REXO1: variants seen among roughly 807,000 people sequenced by gnomAD.
REXO1 encodes the protein RNA exonuclease 1 homolog.
Under a neutral mutation model 102.6 loss-of-function variants are expected in REXO1, and 42 were observed. The observed-to-expected ratio is 0.41, with a 90% CI of 0.32 to 0.53. The LOEUF is 0.53. REXO1 is among the 20% of genes least tolerant of loss of function. The probability of loss-of-function intolerance (pLI) is 0.27; values close to 1 mark genes in which losing one functional copy is unlikely to be tolerated. For missense variants in REXO1, 1,819 were observed against 1,732.5 expected (o/e 1.05, Z -0.89); for synonymous variants, 908 against 779.1 (o/e 1.17, Z -2.76).
chr19:1,848,174 C>A, intron 1 of REXO1, 28 bp downstream of exon 1: 1 of 1,159,518 alleles, frequency 8.6e-7, no homozygotes, highest in South Asian at 4.3e-5. Flanking sequence ...GGAGCCGAGC[C>A]CAAGGCAAGC....
intron 3 of REXO1, chr19:1,824,043 G>A (rs2069632207): frequency 2.6e-6 from 1 of 382,614 alleles, no homozygotes; most frequent in African/African-American, 2.1e-5. Context: ...AGGCACGGGT[G>A]GGCGGGACTA....
At chr19:1,816,892 C>T in intron 12 of REXO1, 79 bp from the exon 13 acceptor site, 1 of 1,086,394 alleles carries the variant, frequency 9.2e-7, no homozygotes, top group Non-Finnish European at 1.4e-6. Context: ...TTTGAGTCTC[C>T]AGAGCCCCTC....
chr19:1,816,720 C>G lies in REXO1; in HGVS notation c.3295G>C (p.Glu1099Gln), dbSNP rs748092013. The change falls in exon 13 of 16, where the codon GAG becomes CAG. Residue 1099 changes from glutamate to glutamine, a missense_variant. By Grantham distance (29) the Glu-to-Gln change is conservative (BLOSUM62 2). Transcript: ENST00000170168. The stretch of plus-strand genomic sequence containing the variant: ...CACCTGGTGTTGTAGTCCACGATCT[C>G]GTTGTCAGGCTTCACGAAGGTGTCA... The part of the protein sequence containing the change: ...VYDTFVKPDN[E>Q]IVDYNTRFSG... 2.5e-6 allele frequency: 4 copies of G among 1,612,772 alleles called. No homozygotes were observed. Among genetic ancestry groups the G allele is most frequent in the South Asian group, 1.1e-5 (1 of 91,054 alleles).
Position 1,826,048 on chromosome 19 carries a change from C to T in REXO1, c.1912-105G>A. ...GCAAGTGGGGAATGGAACAGTCCAG[C>T]CCCCAGGCACAGCAGCTGAGGGCTC... On this transcript the variant is annotated intron_variant, in intron 2 of 15. Coordinates refer to ENST00000170168, the MANE Select transcript of REXO1 (RefSeq NM_020695.4). This position sits in a 1 kb window ranked among gnomAD's most constrained non-coding sequence, Gnocchi z 4.3. The T allele has an allele frequency of 1.3e-6, 1 of 768,796 alleles. No individual in the cohort carries two copies. The highest frequency in any genetic ancestry group is 2.3e-6 in the Non-Finnish European group (1 of 444,032). The allele number at this position is 768,796 out of a possible 1,614,324, so 47.6% of individuals were successfully genotyped here.
chr19:1,830,080 A>G (rs2069862686), intron 1 of REXO1, among the ~76,000 whole-genome samples: 1 of 152,226 alleles, frequency 6.6e-6, no homozygotes, highest in African/African-American at 2.4e-5. Context: ...AGTCAGAACC[A>G]CAGAAGCCTC....
At position 1,828,605 on chromosome 19, in the gene REXO1, C is replaced by T; in HGVS notation, c.184G>A (p.Glu62Lys). ...CTCTGCGCGGGGGGCTTGGGCAGCT[C>T]AGGGTTGTAGGGGTCGTAACCCAGC... ...AGLGYDPYNP[E>K]LPKPPAQREN... The change falls in exon 2 of 16, where the codon GAG becomes AAG. Residue 62 changes from glutamate (E) to lysine (K), a missense_variant. By Grantham distance (56) the Glu-to-Lys change is moderately conservative. Transcript: ENST00000170168. 2 of 1,601,982 alleles carry T rather than the reference C, an allele frequency of 1.2e-6. No homozygotes were observed. Among genetic ancestry groups the T allele is most frequent in the Non-Finnish European group, 1.7e-6 (2 of 1,179,638 alleles).
rs1316266524 is a variant in REXO1, at chr19:1,825,317, A to C, written c.2016+522T>G. On this transcript the variant is annotated intron_variant, in intron 3 of 15. Transcript: ENST00000170168. ...TCCGTCTCAAAAAAAAAAAAAAAAAAAAAAACAACCAAAAAACAAACAAAC... is the reference window on the plus strand; with the variant it reads ...TCCGTCTCAAAAAAAAAAAAAAAAACAAAAACAACCAAAAAACAAACAAAC... 9.8e-5 allele frequency among the ~76,000 whole-genome samples: 14 copies of C among 143,240 alleles called. No homozygotes were observed. The South Asian group carries it at 3.1e-3, about 31-fold the overall frequency. The allele number at this position is 143,240 out of a possible 152,430, so 94.0% of individuals were successfully genotyped here. A position where few individuals can be genotyped will look rare whatever the true frequency, so the allele number is the denominator to read the frequency against.
Position 1,821,474 on chromosome 19 carries a change from CGTGGTCTTGGGG to C in REXO1, c.2394+33_2394+44del, listed in dbSNP as rs1185702874. ...GGTCCCATGTGGCCGGGCCTCAGGG[CGTGGTCTTGGGG>C]GTGGTGGTCCTGGCCGAGATGGGAG... On this transcript the variant is annotated intron_variant, in intron 5 of 15. Coordinates refer to ENST00000170168, the MANE Select transcript of REXO1 (RefSeq NM_020695.4). 3 of 1,609,638 alleles carry C rather than the reference CGTGGTCTTGGGG, an allele frequency of 1.9e-6. No individual in the cohort carries two copies. The African/African-American group carries it at 4.0e-5, about 22-fold the overall frequency.
At chr19:1,836,516 C>T (rs1053698800) in intron 1 of REXO1, among the ~76,000 whole-genome samples, 3 of 151,932 alleles carry the variant, frequency 2.0e-5, no homozygotes, top group Admixed American at 6.6e-5. Flanking sequence ...GAGGCCGAGA[C>T]GGGTGGATCA....
At chr19:1,843,468 A>G (rs373719254) in intron 1 of REXO1, among the ~76,000 whole-genome samples, 34 of 152,278 alleles carry the variant, frequency 2.2e-4, no homozygotes, top group Non-Finnish European at 4.7e-4. Flanking sequence ...TCAACATCCT[A>G]CAACGCAAAG....
In REXO1 at chr19:1,828,556, C is replaced by T. The variant is rs1252438845; in HGVS notation, c.233G>A (p.Gly78Glu). 4 of 1,604,184 alleles carry T rather than the reference C, an allele frequency of 2.5e-6. No homozygotes were observed. The South Asian group carries it at 4.4e-5, about 18-fold the overall frequency. ...CAGCACATCCGGGCGCGGCTCCTCC[C>T]CCAGGCCCAGGGTGCCATTCTCCCT... ...AQRENGTLGL[G>E]EEPRPDVLEL... is the part of the protein sequence containing the mutation. The change falls in exon 2 of 16, where the codon GGG (glycine) becomes GAG (glutamate). Residue 78 changes from glycine (G) to glutamate (E), a missense_variant. Physicochemically the swap from Gly to Glu is moderately conservative, Grantham distance 98 (BLOSUM62 -2). Coordinates refer to ENST00000170168, the MANE Select transcript of REXO1 (RefSeq NM_020695.4).
Position 1,825,913 on chromosome 19 carries a change from C to G in REXO1, c.1942G>C (p.Gly648Arg). The change falls in exon 3 of 16, where the codon GGG becomes CGG. Residue 648 changes from glycine to arginine, a missense_variant. Transcript: ENST00000170168. ...PPKEEKSEEK[G>R]LSGLTTLFPG... ...AACAGAGTGGTCAGACCCGAAAGCC[C>G]CTTCTCCTCACTCTTCTCTTCCTTG... The G allele has an allele frequency of 6.2e-7, 1 of 1,605,674 alleles. No homozygotes were observed.
chr19:1,846,021 G>A (rs190157816), intron 1 of REXO1, among the ~76,000 whole-genome samples: 4 of 152,238 alleles, frequency 2.6e-5, no homozygotes, highest in African/African-American at 7.2e-5. Flanking sequence ...CCAGCACAGA[G>A]CATGGCCCCA....
rs146760890 is a variant in REXO1 at position 1,817,414 on chromosome 19, G to A, written c.3091-85C>T. 262 of 1,565,342 alleles carry A rather than the reference G, an allele frequency of 1.7e-4. 1 individual carries two copies. The East Asian group carries it at 4.3e-3, about 26-fold the overall frequency. On this transcript the variant is annotated intron_variant, in intron 11 of 15. Transcript: ENST00000170168. ...GCAGCAGCACATCTCTGAGCCCTTC[G>A]GGACCATCCTATCCATCCATCACGC... is the stretch of plus-strand genomic sequence containing the variant.
chr19:1,834,183 C>A (rs2069977557), intron 1 of REXO1, among the ~76,000 whole-genome samples: 1 of 152,178 alleles, frequency 6.6e-6, no homozygotes, highest in Non-Finnish European at 1.5e-5. Context: ...AGGCAATACA[C>A]ACACCAGCCA....
chr19:1,835,545 T>C (rs1387255326), intron 1 of REXO1, among the ~76,000 whole-genome samples: 1 of 152,050 alleles, frequency 6.6e-6, no homozygotes, highest in Non-Finnish European at 1.5e-5. Flanking sequence ...TATACATGCA[T>C]ACACACATAC....
intron 1 of REXO1, among the ~76,000 whole-genome samples, chr19:1,831,565 G>A (rs1023144112): frequency 6.6e-6 from 1 of 151,992 alleles, no homozygotes; most frequent in East Asian, 1.9e-4. Context: ...GGTTTCGGCC[G>A]GTTGTGGTGG....
intron 1 of REXO1, among the ~76,000 whole-genome samples, chr19:1,837,910 C>T (rs1317482022): frequency 6.6e-6 from 1 of 152,226 alleles, no homozygotes; most frequent in Non-Finnish European, 1.5e-5. Flanking sequence ...ATGGGGCGGC[C>T]GTCCCCACAT....
rs1253392820 is a variant in REXO1, at chr19:1,818,521, C to T, written c.2977G>A (p.Glu993Lys). ...SSSGRCIRDE[E>K]CYYHWGRLRR... ...AGCCGTCCCCAGTGGTAATAACACTCCTCGTCCCGGATGCAGCGGCCTGAA... is the reference window on the plus strand; with the variant it reads ...AGCCGTCCCCAGTGGTAATAACACTTCTCGTCCCGGATGCAGCGGCCTGAA... The change falls in exon 10 of 16, where the codon GAG (glutamate) becomes AAG (lysine). Residue 993 changes from glutamate (E) to lysine (K), a missense_variant. By Grantham distance (56) the Glu-to-Lys change is moderately conservative. Transcript: ENST00000170168. The T allele has an allele frequency of 6.2e-7, 1 of 1,611,614 alleles. No homozygotes were observed. Among genetic ancestry groups the T allele is most frequent in the South Asian group, 1.1e-5 (1 of 90,808 alleles).
Sources: gnomAD v4.1 joint callset for allele counts (sites outside exome capture counted in the v4.1 genomes callset) on GRCh38, gnomAD v4.1.1 for gene constraint, Gnocchi (gnomAD v3.1) non-coding constraint, MANE v1.5 for transcripts, NCBI Gene and HGNC (gene_info 2026-07-23, HGNC 2026-07-21) for gene names.